DST: variants seen among roughly 807,000 people sequenced by gnomAD.
The protein encoded by DST is dystonin.
In DST, 253 loss-of-function variants were observed where a neutral mutation model predicts 875.2. That is an observed-to-expected ratio of 0.29 (90% CI 0.26 to 0.32). The LOEUF is 0.32. Among genes scored for constraint, DST ranks in the 10% least tolerant of loss-of-function variants. The probability of loss-of-function intolerance (pLI) is 1.00; values close to 1 mark genes in which losing one functional copy is unlikely to be tolerated. For synonymous variants in DST, 3,124 were observed against 3,197.1 expected, an observed-to-expected ratio of 0.98 and a Z score of 0.77; for missense variants, 8,287 against 9,111.6, an observed-to-expected ratio of 0.91 and a Z score of 3.68.
intron 4 of DST, among the ~76,000 whole-genome samples, chr6:56,777,265 T>C (rs759571811): frequency 2.6e-5 from 4 of 151,920 alleles, no homozygotes; most frequent in Non-Finnish European, 5.9e-5. Context: ...TGAGATAAAA[T>C]AGATAAGAAG....
intron 36 of DST, chr6:56,615,589 G>A (rs1227124434): frequency 1.9e-6 from 3 of 1,614,122 alleles, no homozygotes; most frequent in Non-Finnish European, 1.7e-6. Context: ...TAAGTCCTGT[G>A]TGGAAATCAA....
chr6:56,767,314 A>G (rs759165169), intron 4 of DST, among the ~76,000 whole-genome samples: 2 of 152,162 alleles, frequency 1.3e-5, no homozygotes, highest in African/African-American at 4.8e-5. Context: ...ACAGCAATCA[A>G]TAATAATAAA....
At chr6:56,777,454 G>A (rs1422320022) in intron 4 of DST, among the ~76,000 whole-genome samples, 1 of 152,028 alleles carries the variant, frequency 6.6e-6, no homozygotes, top group Non-Finnish European at 1.5e-5. Flanking sequence ...AGGCAATGCA[G>A]TGTCATGCAA....
At chr6:56,734,134 G>A (rs1348495496) in intron 5 of DST, among the ~76,000 whole-genome samples, 2 of 152,162 alleles carry the variant, frequency 1.3e-5, no homozygotes, top group Non-Finnish European at 2.9e-5. Context: ...CGCATGCTGC[G>A]TCAGAATTCA....
At chr6:56,782,040 T>C (rs899582640) in intron 4 of DST, among the ~76,000 whole-genome samples, 51 of 152,162 alleles carry the variant, frequency 3.4e-4, no homozygotes, top group Non-Finnish European at 6.0e-4. Context: ...GATTTGCGTA[T>C]ATTGAACCAG....
chr6:56,557,987 T>G (rs756140179), intron 58 of DST, among the ~76,000 whole-genome samples: 1 of 152,180 alleles, frequency 6.6e-6, no homozygotes, highest in Non-Finnish European at 1.5e-5. Context: ...AAAGTTCCCG[T>G]AGGAAGTCTC....
intron 3 of DST, among the ~76,000 whole-genome samples, chr6:56,877,566 T>G (rs6911654): frequency 6.6e-6 from 1 of 152,018 alleles, no homozygotes; most frequent in Non-Finnish European, 1.5e-5. Flanking sequence ...AAAATAAATA[T>G]ATAAATAAAT....
chr6:56,663,855 CT>C (rs1401511496), intron 10 of DST, among the ~76,000 whole-genome samples: 15 of 152,142 alleles, frequency 9.9e-5, no homozygotes, highest in Non-Finnish European at 2.1e-4. Flanking sequence ...TGCTTTGCTC[CT>C]GCATACAACC....
intron 12 of DST, 56 bp from the exon 13 acceptor site, chr6:56,648,745 C>A: frequency 7.1e-7 from 1 of 1,414,466 alleles, no homozygotes; most frequent in Non-Finnish European, 9.5e-7. Context: ...ACATTCATAT[C>A]TAAGACAATT....
At chr6:56,818,668 A>T (rs2099769527) in intron 4 of DST, among the ~76,000 whole-genome samples, 1 of 152,180 alleles carries the variant, frequency 6.6e-6, no homozygotes, top group Non-Finnish European at 1.5e-5. Context: ...GATCAACATA[A>T]AATTCAGAGT....
chr6:56,909,199 C>A (rs1797792456), intron 2 of DST, among the ~76,000 whole-genome samples: 1 of 152,152 alleles, frequency 6.6e-6, no homozygotes, highest in African/African-American at 2.4e-5. Context: ...TTTCTAATAA[C>A]TTATATTTCA....
At chr6:56,465,928 A>G (rs1404635876) in intron 99 of DST, 150 bp downstream of exon 99, 2 of 487,276 alleles carry the variant, frequency 4.1e-6, no homozygotes, top group Non-Finnish European at 7.2e-6. Context: ...TGACTGCCAC[A>G]GGTTCTTTGG....
chr6:56,471,117 A>T lies in DST; in HGVS notation c.22310T>A (p.Ile7437Asn). 6.2e-7 allele frequency: 1 copy of T among 1,611,606 alleles called. No homozygotes were observed. Among genetic ancestry groups the T allele is most frequent in the Non-Finnish European group, 8.5e-7 (1 of 1,178,814 alleles). ...GTCTTGGAACTTACTTGAGGAAAGAATTCCATCAATAAATTCCTGCCGCGT... is the reference window on the plus strand; with the variant it reads ...GTCTTGGAACTTACTTGAGGAAAGATTTCCATCAATAAATTCCTGCCGCGT... ...KITRQEFIDG[I>N]LSSKFPTSRL... is the part of the protein sequence containing the mutation. Residue 7437 changes from isoleucine (I) to asparagine (N), a missense_variant, in exon 95 of 104, where the codon ATT (isoleucine) becomes AAT (asparagine). Ile to Asn is a moderately radical substitution (Grantham distance 149). Coordinates refer to ENST00000680361, the MANE Select transcript of DST (RefSeq NM_001374736.1).
Position 56,600,166 on chromosome 6 carries a change from A to G in DST, c.11597T>C (p.Leu3866Pro), listed in dbSNP as rs749816429. 8 of 1,613,120 alleles carry G rather than the reference A, an allele frequency of 5.0e-6. No homozygotes were observed. Among genetic ancestry groups the G allele is most frequent in the Non-Finnish European group, 6.8e-6 (8 of 1,179,232 alleles). Residue 3866 changes from leucine to proline, a missense_variant, in exon 45 of 104, where the codon CTT (leucine) becomes CCT (proline). Physicochemically the swap from Leu to Pro is moderately conservative, Grantham distance 98. This residue lies in a region of DST where 3,138 missense variants were observed against 3,116.6 expected (regional missense o/e 1.01). Coordinates refer to ENST00000680361, the MANE Select transcript of DST (RefSeq NM_001374736.1). ...TAGGCGGTTTTCAGTTTGGGTAAGA[A>G]GATCACATATCCCTTGGAGTTTCTC... Reference protein sequence around the residue: ...YKEKLQGICDLLTQTENRLIG... With the variant: ...YKEKLQGICDPLTQTENRLIG...
intron 5 of DST, among the ~76,000 whole-genome samples, chr6:56,705,720 T>C (rs901458355): frequency 6.6e-5 from 10 of 152,242 alleles, no homozygotes; most frequent in African/African-American, 2.4e-4. Context: ...ATTACCCATC[T>C]AGGCATAATT....
At chr6:56,675,669 T>C (rs1405595386) in intron 9 of DST, among the ~76,000 whole-genome samples, 1 of 152,050 alleles carries the variant, frequency 6.6e-6, no homozygotes, top group African/African-American at 2.4e-5. Context: ...CTGGCCAACA[T>C]GGTGAAACCC....
At chr6:56,698,556 A>C (rs1283959288) in intron 9 of DST, among the ~76,000 whole-genome samples, 3 of 152,098 alleles carry the variant, frequency 2.0e-5, no homozygotes, top group African/African-American at 7.2e-5. Context: ...TGATCTCCTG[A>C]CCTCATGATC....
At chr6:56,680,304 T>A (rs1191457310) in intron 9 of DST, among the ~76,000 whole-genome samples, 1 of 152,122 alleles carries the variant, frequency 6.6e-6, no homozygotes, top group Non-Finnish European at 1.5e-5. Flanking sequence ...AAGAAGAAAA[T>A]TAGATTGTTA....
chr6:56,507,116 T>C (rs2096341599), intron 75 of DST, among the ~76,000 whole-genome samples: 1 of 152,188 alleles, frequency 6.6e-6, no homozygotes, highest in African/African-American at 2.4e-5. Context: ...CAAACCAATA[T>C]ACATTTAACA....
Sources: allele counts gnomAD v4.1 joint callset (sites outside exome capture counted in the v4.1 genomes callset), GRCh38; gene constraint gnomAD v4.1.1; regional missense constraint gnomAD v4.1.1; transcripts MANE v1.5; gene names NCBI Gene and HGNC (gene_info 2026-07-23, HGNC 2026-07-21).